Variants in PCDHGA2 observed in about 807,000 individuals in gnomAD.
PCDHGA2 encodes the protein protocadherin gamma-A2.
In PCDHGA2, 40 loss-of-function variants were observed where a neutral mutation model predicts 59.2. The ratio of observed to expected loss-of-function variants is 0.68; its 90% CI spans 0.52 to 0.88. The LOEUF is 0.88. Among genes scored for constraint, PCDHGA2 ranks in the 40% least tolerant of loss-of-function variants. The pLI is 0.00. For missense variants in PCDHGA2, 1,226 were observed against 1,204.0 expected (o/e 1.02, Z -0.27); for synonymous variants, 560 against 526.0 (o/e 1.06, Z -0.89).
At position 141,487,447 on chromosome 5, in the gene PCDHGA2, C is replaced by A. The variant is rs758411138; in HGVS notation, c.2425-7360C>A. 4.3e-6 allele frequency: 7 copies of A among 1,614,182 alleles called. No homozygotes were observed. The highest frequency in any genetic ancestry group is 5.9e-6 in the Non-Finnish European group (7 of 1,180,028). Reference sequence around the variant, plus strand: ...TCCGAATCCAGCTAGGGTCAGATGACCCTATCAAGTTTGTTGATGTGGGAG... The same window carrying A: ...TCCGAATCCAGCTAGGGTCAGATGAACCTATCAAGTTTGTTGATGTGGGAG... On this transcript the variant is annotated intron_variant, in intron 1 of 3. Coordinates refer to ENST00000394576, the MANE Select transcript of PCDHGA2 (RefSeq NM_018915.4). The surrounding 1 kb of genome is among the most constrained non-coding windows in gnomAD (Gnocchi z 5.0).
At chr5:141,466,275 A>G (rs1163982252) in intron 1 of PCDHGA2, among the ~76,000 whole-genome samples, 1 of 152,112 alleles carries the variant, frequency 6.6e-6, no homozygotes. Context: ...AGCTCAAGCA[A>G]TCTTCCCACC....
At chr5:141,501,901 C>T (rs1595767273) in intron 2 of PCDHGA2, among the ~76,000 whole-genome samples, 1 of 152,070 alleles carries the variant, frequency 6.6e-6, no homozygotes, top group Non-Finnish European at 1.5e-5. Context: ...TGGTTCCAAC[C>T]CCACTGTTCC....
chr5:141,470,969 A>C (rs62379203), intron 1 of PCDHGA2, among the ~76,000 whole-genome samples: 16,337 of 151,332 alleles, frequency 0.11, 895 homozygotes, highest in South Asian at 0.15. Flanking sequence ...CTCCCACCTC[A>C]GCCTCCCAAA....
At chr5:141,355,876 G>T in intron 1 of PCDHGA2, 4 of 1,613,034 alleles carry the variant, frequency 2.5e-6, no homozygotes, top group Non-Finnish European at 3.4e-6. Flanking sequence ...CTCTGGCACT[G>T]CCAGGATTCT....
chr5:141,422,077 A>C (rs2096622436), intron 1 of PCDHGA2: 1 of 1,612,340 alleles, frequency 6.2e-7, no homozygotes, highest in Admixed American at 1.7e-5. Flanking sequence ...TTCATTTCGG[A>C]ACATGGAAAG....
At chr5:141,370,996 A>G (rs1767388382) in intron 1 of PCDHGA2, 2 of 1,613,886 alleles carry the variant, frequency 1.2e-6, no homozygotes, top group African/African-American at 2.7e-5. Flanking sequence ...GCACCCCTGG[A>G]CAGGGAAGAG....
intron 1 of PCDHGA2, chr5:141,351,341 G>C: frequency 8.7e-6 from 14 of 1,613,508 alleles, no homozygotes; most frequent in Non-Finnish European, 1.1e-5. Flanking sequence ...CCTTGGAACT[G>C]TAATAGCCCT....
chr5:141,375,378 T>G, intron 1 of PCDHGA2: 1 of 1,613,954 alleles, frequency 6.2e-7, no homozygotes, highest in Non-Finnish European at 8.5e-7. Context: ...ACACCACCTC[T>G]GTCTACAGAA....
chr5:141,352,505 A>G (rs762426653), intron 1 of PCDHGA2: 15 of 1,613,806 alleles, frequency 9.3e-6, no homozygotes, highest in Admixed American at 8.3e-5. Flanking sequence ...CTATTCCTAC[A>G]ATCTATGTAT....
chr5:141,339,559 G>C lies in PCDHGA2; in HGVS notation c.588G>C (p.Leu196=). 1 of 1,614,168 alleles carries C rather than the reference G, an allele frequency of 6.2e-7. No homozygotes were observed. Among genetic ancestry groups the C allele is most frequent in the Non-Finnish European group, 8.5e-7 (1 of 1,180,028 alleles). ...GGAACAAGTACCCAGAACTGGTGCT[G>C]GAGCGCTCTCTGGACCGCGAGGAAG... ...ADGNKYPELV[L]ERSLDREEEA... The change falls in exon 1 of 4, where the codon CTG becomes CTC. Residue 196 remains leucine, a synonymous_variant. Coordinates refer to ENST00000394576, the MANE Select transcript of PCDHGA2 (RefSeq NM_018915.4).
At position 141,340,598 on chromosome 5, in the gene PCDHGA2, A is replaced by T. The variant is rs915882719; in HGVS notation, c.1627A>T (p.Ser543Cys). ...IARDSGNPPLSSNVSLSLFVL... is the reference protein window; with the variant it reads ...IARDSGNPPLCSNVSLSLFVL... The stretch of plus-strand genomic sequence containing the variant: ...GCGGGACAGCGGGAACCCTCCACTC[A>T]GTAGCAATGTATCATTAAGCCTGTT... The change falls in exon 1 of 4, where the codon AGT becomes TGT. Residue 543 changes from serine to cysteine, a missense_variant. Transcript: ENST00000394576. 44 of 1,614,088 alleles carry T rather than the reference A, an allele frequency of 2.7e-5. No individual in the cohort carries two copies. The highest frequency in any genetic ancestry group is 3.7e-5 in the Non-Finnish European group (44 of 1,180,038).
At position 141,432,319 on chromosome 5, in the gene PCDHGA2, C is replaced by A; in HGVS notation, c.2425-62488C>A. The A allele has an allele frequency of 6.2e-7, 1 of 1,614,264 alleles. No individual in the cohort carries two copies. Among genetic ancestry groups the A allele is most frequent in the South Asian group, 1.1e-5 (1 of 91,088 alleles). ...GGGTACTGTATGCGCTGAGCTCCTTCGACTACGAGCAGTTCCGAGACTTGC... is the reference window on the plus strand; with the variant it reads ...GGGTACTGTATGCGCTGAGCTCCTTAGACTACGAGCAGTTCCGAGACTTGC... On this transcript the variant is annotated intron_variant, in intron 1 of 3. Transcript: ENST00000394576. The surrounding 1 kb of genome is among the most constrained non-coding windows in gnomAD (Gnocchi z 6.0).
chr5:141,434,106 T>C (rs1195019110), intron 1 of PCDHGA2, among the ~76,000 whole-genome samples: 1 of 152,236 alleles, frequency 6.6e-6, no homozygotes, highest in Non-Finnish European at 1.5e-5. Context: ...TGTCCCAGGA[T>C]TGGCCTTTGG....
chr5:141,497,573 T>C (rs1231425210), intron 2 of PCDHGA2, among the ~76,000 whole-genome samples: 1 of 149,502 alleles, frequency 6.7e-6, no homozygotes, highest in South Asian at 2.1e-4. Context: ...AGAGTCTTGC[T>C]CTGTTGCCCA....
chr5:141,427,013 T>A, intron 1 of PCDHGA2: 2 of 456,846 alleles, frequency 4.4e-6, no homozygotes, highest in Non-Finnish European at 8.8e-6. Flanking sequence ...TTAGCCAGGA[T>A]GTATACAAAG....
At chr5:141,437,778 G>C (rs750813139) in intron 1 of PCDHGA2, among the ~76,000 whole-genome samples, 1 of 146,836 alleles carries the variant, frequency 6.8e-6, no homozygotes, top group Non-Finnish European at 1.5e-5. Flanking sequence ...TCAATCTGTC[G>C]CCAAGCTGGA....
intron 1 of PCDHGA2, chr5:141,350,707 C>T: frequency 1.2e-6 from 2 of 1,613,992 alleles, no homozygotes; most frequent in Non-Finnish European, 1.7e-6. Flanking sequence ...GGGTAAAATT[C>T]TCTCTGGATT....
intron 1 of PCDHGA2, chr5:141,417,547 G>C (rs756455730): frequency 9.7e-5 from 31 of 318,264 alleles, no homozygotes; most frequent in Non-Finnish European, 1.5e-4. Flanking sequence ...AAAATTCCTT[G>C]AAAGAGGTAG....
intron 1 of PCDHGA2, among the ~76,000 whole-genome samples, chr5:141,492,356 G>A (rs2099739649): frequency 6.6e-6 from 1 of 152,198 alleles, no homozygotes; most frequent in Non-Finnish European, 1.5e-5. Context: ...ACTGCCACTC[G>A]CTCGCGGCCA....
Sources: allele counts gnomAD v4.1 joint callset (sites outside exome capture counted in the v4.1 genomes callset), GRCh38; gene constraint gnomAD v4.1.1; non-coding constraint Gnocchi (gnomAD v3.1); transcripts MANE v1.5; gene names NCBI Gene and HGNC (gene_info 2026-07-23, HGNC 2026-07-21).